Variants in KCTD16 observed in about 807,000 individuals in gnomAD.
KCTD16 encodes the protein BTB/POZ domain-containing protein KCTD16.
In KCTD16, 13 loss-of-function variants were observed where a neutral mutation model predicts 33.2. That is an observed-to-expected ratio of 0.39 (90% CI 0.25 to 0.62). KCTD16 has a LOEUF of 0.62. Ranked by LOEUF, KCTD16 falls within the 20% of genes least tolerant of loss-of-function variation. The pLI is 0.50. For synonymous variants in KCTD16, 197 were observed against 195.3 expected (o/e 1.01, Z -0.07); for missense variants, 441 against 525.1 (o/e 0.84, Z 1.57).
intron 3 of KCTD16, among the ~76,000 whole-genome samples, chr5:144,440,738 T>A (rs1026506861): frequency 2.0e-5 from 3 of 152,048 alleles, no homozygotes; most frequent in Non-Finnish European, 2.9e-5. Flanking sequence ...TGAGTTTTTT[T>A]ATTTTATTTT....
chr5:144,195,039 A>G (rs549219859), intron 2 of KCTD16, among the ~76,000 whole-genome samples: 2 of 152,306 alleles, frequency 1.3e-5, no homozygotes, highest in South Asian at 4.1e-4. Context: ...CACTTGCCTT[A>G]AAGAACTGTT....
chr5:144,373,249 C>A (rs1312783183), intron 3 of KCTD16, among the ~76,000 whole-genome samples: 1 of 152,120 alleles, frequency 6.6e-6, no homozygotes, highest in Non-Finnish European at 1.5e-5. Flanking sequence ...GCCCTACTTT[C>A]TCCCATGAAA....
chr5:144,343,307 G>A (rs1216706753), intron 3 of KCTD16, among the ~76,000 whole-genome samples: 2 of 151,962 alleles, frequency 1.3e-5, no homozygotes, highest in Non-Finnish European at 2.9e-5. Context: ...TTAGTCTTGG[G>A]AGGGTGTATG....
At chr5:144,465,562 T>C (rs1754311118) in intron 3 of KCTD16, among the ~76,000 whole-genome samples, 1 of 152,114 alleles carries the variant, frequency 6.6e-6, no homozygotes, top group Non-Finnish European at 1.5e-5. Flanking sequence ...ACCACTACTG[T>C]GGTCGTGTAG....
chr5:144,309,766 A>G (rs1751710055), intron 3 of KCTD16, among the ~76,000 whole-genome samples: 1 of 151,456 alleles, frequency 6.6e-6, no homozygotes, highest in Non-Finnish European at 1.5e-5. Flanking sequence ...CCTATGAGAG[A>G]TGGACCATTT....
intron 3 of KCTD16, among the ~76,000 whole-genome samples, chr5:144,285,211 G>A (rs1755711327): frequency 6.6e-6 from 1 of 152,200 alleles, no homozygotes; most frequent in African/African-American, 2.4e-5. Context: ...CAGGGTGGCT[G>A]TTTAGCACTT....
rs1325811275 is a variant in KCTD16, at chr5:144,481,619, A to G, written c.*7505A>G. On this transcript the variant is annotated 3_prime_UTR_variant, in exon 4 of 4. Transcript: ENST00000512467. ...GGTAGGGTCATTCTAATTCCATTTT[A>G]TACAAGGGAAACTAAGGACCCAGAA... 1 of 151,948 alleles carries G rather than the reference A, an allele frequency of 6.6e-6. No homozygotes were observed. The highest frequency in any genetic ancestry group is 2.4e-5 in the African/African-American group (1 of 41,394). 9.4% of individuals were successfully genotyped at this position (151,948 alleles called of 1,614,324 possible).
intron 3 of KCTD16, among the ~76,000 whole-genome samples, chr5:144,417,600 T>C (rs905027325): frequency 6.6e-6 from 1 of 152,218 alleles, no homozygotes; most frequent in Admixed American, 6.6e-5. Flanking sequence ...ACAAAATATT[T>C]TTAAATTTTT....
intron 3 of KCTD16, among the ~76,000 whole-genome samples, chr5:144,214,309 T>A (rs1398300917): frequency 6.6e-6 from 1 of 152,136 alleles, no homozygotes; most frequent in African/African-American, 2.4e-5. Context: ...CAAATGAGCT[T>A]AAATTGTTCT....
At chr5:144,243,798 C>T (rs1754470807) in intron 3 of KCTD16, among the ~76,000 whole-genome samples, 1 of 152,032 alleles carries the variant, frequency 6.6e-6, no homozygotes, top group African/African-American at 2.4e-5. Flanking sequence ...GGATGGAGTG[C>T]AGTGGCACGA....
rs957488769 is a variant in KCTD16, at chr5:144,476,113, A to G, written c.*1999A>G. ...TTGATTCTTTTCAATGTTTCTTGAT[A>G]GCACATGGCAATACCATCATCCTAA... On this transcript the variant is annotated 3_prime_UTR_variant, in exon 4 of 4. Coordinates refer to ENST00000512467, the MANE Select transcript of KCTD16 (RefSeq NM_020768.4). The G allele has an allele frequency of 1.4e-4, 21 of 152,366 alleles. No homozygotes were observed. The highest frequency in any genetic ancestry group is 4.8e-4 in the African/African-American group (20 of 41,596). 9.4% of individuals were successfully genotyped at this position (152,366 alleles called of 1,614,324 possible).
rs544517968 is a variant in KCTD16 at position 144,211,321 on chromosome 5, A to G, written c.832+3775A>G. ...CAGGTGGAAATGCATCTACCCTAAG[A>G]TTATTCTAGCCTTTTTTTTCTCCTG... On this transcript the variant is annotated intron_variant, in intron 3 of 3. Coordinates refer to ENST00000512467, the MANE Select transcript of KCTD16 (RefSeq NM_020768.4). Among the ~76,000 whole-genome samples the G allele has an allele frequency of 6.6e-5, 10 of 152,258 alleles. No individual in the cohort carries two copies. In the South Asian group the frequency reaches 2.1e-3, roughly 32 times the overall value.
chr5:144,195,233 T>C (rs1421108548), intron 2 of KCTD16, among the ~76,000 whole-genome samples: 1 of 152,250 alleles, frequency 6.6e-6, no homozygotes, highest in African/African-American at 2.4e-5. Flanking sequence ...ACTACATTGA[T>C]GCTATATGTG....
In KCTD16 at chr5:144,388,890, A is replaced by T. The variant is rs2126936954; in HGVS notation, c.833-84770A>T. Among the ~76,000 whole-genome samples, 3 of 152,364 alleles carry T rather than the reference A, an allele frequency of 2.0e-5. No homozygotes were observed. The South Asian group carries it at 6.2e-4, about 32-fold the overall frequency. On this transcript the variant is annotated intron_variant, in intron 3 of 3. Transcript: ENST00000512467. The stretch of plus-strand genomic sequence containing the variant: ...TCATTCTGATAGATAAATAGTTAAA[A>T]TATATGTACATATATGTGTCTTAAT...
chr5:144,218,946 C>A (rs1298854412), intron 3 of KCTD16, among the ~76,000 whole-genome samples: 1 of 152,196 alleles, frequency 6.6e-6, no homozygotes, highest in African/African-American at 2.4e-5. Context: ...CGAATATACC[C>A]CATGAGTGAC....
At chr5:144,472,280 G>T in intron 3 of KCTD16, among the ~76,000 whole-genome samples, 1 of 152,284 alleles carries the variant, frequency 6.6e-6, no homozygotes, top group South Asian at 2.1e-4. Flanking sequence ...ATACATGATC[G>T]GTAAATAGTA....
chr5:144,186,330 T>C (rs981035199), intron 2 of KCTD16, among the ~76,000 whole-genome samples: 19 of 145,106 alleles, frequency 1.3e-4, no homozygotes, highest in African/African-American at 2.6e-5. Flanking sequence ...TCTACGAAGT[T>C]TGTGCTAGAT....
At chr5:144,247,835 T>TTC (rs774394668) in intron 3 of KCTD16, among the ~76,000 whole-genome samples, 10 of 152,318 alleles carry the variant, frequency 6.6e-5, no homozygotes, top group Non-Finnish European at 1.2e-4. Context: ...CAACGGTGTC[T>TTC]TCTCTCTCAG....
chr5:144,437,621 A>G (rs1753607721), intron 3 of KCTD16, among the ~76,000 whole-genome samples: 1 of 152,222 alleles, frequency 6.6e-6, no homozygotes, highest in African/African-American at 2.4e-5. Context: ...CCAAACACAA[A>G]CACAAAACCT....
Sources: allele counts gnomAD v4.1 joint callset (sites outside exome capture counted in the v4.1 genomes callset), GRCh38; gene constraint gnomAD v4.1.1; transcripts MANE v1.5; gene names NCBI Gene and HGNC (gene_info 2026-07-23, HGNC 2026-07-21).